Variants in PRKG1 observed in about 807,000 individuals in gnomAD.
The protein encoded by PRKG1 is protein kinase cGMP-dependent 1.
Under a neutral mutation model 88.1 loss-of-function variants are expected in PRKG1, and 35 were observed. The observed-to-expected ratio is 0.40, with a 90% CI of 0.30 to 0.53. PRKG1 has a LOEUF of 0.53. Ranked by LOEUF, PRKG1 falls within the 20% of genes least tolerant of loss-of-function variation. The pLI, the probability that PRKG1 is intolerant of heterozygous loss-of-function variation, is 0.59. For missense variants in PRKG1, 540 were observed against 839.8 expected (o/e 0.64, Z 4.41); for synonymous variants, 303 against 292.5 (o/e 1.04, Z -0.37).
rs3029977 is a variant in PRKG1, at chr10:51,930,495, CTTTT to C, written c.762+22943_762+22946del. Among the ~76,000 whole-genome samples the C allele has an allele frequency of 8.6e-5, 9 of 104,438 alleles. No homozygotes were observed. The East Asian group carries it at 9.4e-4, about 11-fold the overall frequency. 68.5% of individuals were successfully genotyped at this position (104,438 alleles called of 152,430 possible). Reference sequence around the variant, plus strand: ...TTTTAAAAGAACCTTTTTTTTTCCTCTTTTTTTTTTTTTTTTTTTTTGAGACAGA... The same window carrying C: ...TTTTAAAAGAACCTTTTTTTTTCCTCTTTTTTTTTTTTTTTTTGAGACAGA... On this transcript the variant is annotated intron_variant, in intron 5 of 17. Coordinates refer to ENST00000373980, the MANE Select transcript of PRKG1 (RefSeq NM_006258.4).
At chr10:51,407,700 G>C (rs754278199) in intron 2 of PRKG1, among the ~76,000 whole-genome samples, 1 of 152,196 alleles carries the variant, frequency 6.6e-6, no homozygotes, top group African/African-American at 2.4e-5. Context: ...TGAAGGGTCT[G>C]GGTCATTTGC....
intron 2 of PRKG1, among the ~76,000 whole-genome samples, chr10:51,301,465 G>A (rs1485905567): frequency 2.0e-5 from 3 of 152,142 alleles, no homozygotes; most frequent in Non-Finnish European, 4.4e-5. Context: ...AAAACCCTCT[G>A]AGGAATATCA....
At chr10:51,225,683 TTCTC>T (rs1256310067) in intron 2 of PRKG1, among the ~76,000 whole-genome samples, 1 of 152,164 alleles carries the variant, frequency 6.6e-6, no homozygotes, top group African/African-American at 2.4e-5. Context: ...GTGTATGTAT[TTCTC>T]TATAGTGAAG....
At chr10:51,676,829 T>C (rs1228739432) in intron 3 of PRKG1, among the ~76,000 whole-genome samples, 1 of 152,224 alleles carries the variant, frequency 6.6e-6, no homozygotes, top group Admixed American at 6.5e-5. Flanking sequence ...TTTGCTTATC[T>C]CCTGGCATTG....
At chr10:52,186,506 C>T (rs1354581995) in intron 9 of PRKG1, among the ~76,000 whole-genome samples, 1 of 152,110 alleles carries the variant, frequency 6.6e-6, no homozygotes, top group Non-Finnish European at 1.5e-5. Context: ...GACCTCACTA[C>T]CAACGCTGGG....
At chr10:51,000,554 A>G (rs986325948) in intron 1 of PRKG1, among the ~76,000 whole-genome samples, 3 of 152,344 alleles carry the variant, frequency 2.0e-5, no homozygotes, top group South Asian at 2.1e-4. Context: ...TTTCATAACA[A>G]TGGTTCCCAA....
intron 2 of PRKG1, among the ~76,000 whole-genome samples, chr10:51,456,211 C>T (rs545056901): frequency 6.6e-5 from 10 of 152,170 alleles, no homozygotes; most frequent in South Asian, 4.2e-4. Flanking sequence ...TATTCACTAC[C>T]GGGAGAACAG....
chr10:51,332,862 T>C (rs1250479991), intron 2 of PRKG1, among the ~76,000 whole-genome samples: 1 of 152,204 alleles, frequency 6.6e-6, no homozygotes, highest in Non-Finnish European at 1.5e-5. Flanking sequence ...TCTGTTGGTC[T>C]CTCTGATTTC....
intron 2 of PRKG1, among the ~76,000 whole-genome samples, chr10:51,203,972 C>A (rs1266741266): frequency 3.3e-5 from 5 of 152,164 alleles, no homozygotes; most frequent in Non-Finnish European, 7.3e-5. Flanking sequence ...CTGTATACTT[C>A]ATTCTCCTTT....
intron 2 of PRKG1, among the ~76,000 whole-genome samples, chr10:51,400,651 G>A (rs1837712668): frequency 6.6e-6 from 1 of 152,214 alleles, no homozygotes; most frequent in African/African-American, 2.4e-5. Flanking sequence ...AGAGTGCAAC[G>A]TGGAAGTGAG....
chr10:51,409,063 A>T (rs577060506), intron 2 of PRKG1, among the ~76,000 whole-genome samples: 2 of 152,138 alleles, frequency 1.3e-5, no homozygotes, highest in African/African-American at 4.8e-5. Flanking sequence ...ATTTCTCCTT[A>T]TATGCAAAGT....
At chr10:51,534,666 C>CAAAAAA (rs10626534) in intron 3 of PRKG1, among the ~76,000 whole-genome samples, 13 of 120,454 alleles carry the variant, frequency 1.1e-4, no homozygotes, top group Admixed American at 4.5e-4. Context: ...GACTCTGTCT[C>CAAAAAA]AAAAAAAAAA....
At chr10:51,661,184 C>T (rs971935076) in intron 3 of PRKG1, among the ~76,000 whole-genome samples, 1 of 151,998 alleles carries the variant, frequency 6.6e-6, no homozygotes, top group African/African-American at 2.4e-5. Context: ...ATAATTGGCA[C>T]TCAATAAATA....
chr10:51,907,613 C>T, intron 5 of PRKG1, 43 bp downstream of exon 5: 1 of 1,544,194 alleles, frequency 6.5e-7, no homozygotes, highest in Non-Finnish European at 8.9e-7. Context: ...TGGGATCCAG[C>T]CTGCTTGGCT....
intron 9 of PRKG1, among the ~76,000 whole-genome samples, chr10:52,193,548 C>CAAAAAAAAAAAAACCAAAAAAAAAAAAAA: frequency 2.3e-5 from 1 of 42,818 alleles, no homozygotes; most frequent in Non-Finnish European, 4.8e-5. Context: ...GACTCTGTCT[C>CAAAAAAAAAAAAACCAAAAAAAAAAAAAA]AAAAAAAAAA....
chr10:51,231,066 C>T (rs1245104362), intron 2 of PRKG1, among the ~76,000 whole-genome samples: 1 of 152,124 alleles, frequency 6.6e-6, no homozygotes, highest in East Asian at 1.9e-4. Flanking sequence ...GGCTTCAGCC[C>T]TTCTTGCTGG....
At chr10:51,376,744 G>T (rs145767050) in intron 2 of PRKG1, among the ~76,000 whole-genome samples, 1 of 151,966 alleles carries the variant, frequency 6.6e-6, no homozygotes, top group Non-Finnish European at 1.5e-5. Context: ...GTGCGATCTC[G>T]GCTCACTGCA....
chr10:51,541,677 G>T (rs1245950123), intron 3 of PRKG1, among the ~76,000 whole-genome samples: 2 of 151,790 alleles, frequency 1.3e-5, no homozygotes, highest in South Asian at 4.2e-4. Flanking sequence ...ATCACTCATG[G>T]TTTCTATAGT....
chr10:51,476,024 C>A (rs1191072378), intron 3 of PRKG1, among the ~76,000 whole-genome samples: 2 of 151,954 alleles, frequency 1.3e-5, no homozygotes, highest in Non-Finnish European at 1.5e-5. Context: ...TAAGTTCAAC[C>A]TTTTGTACTC....
Sources: allele counts gnomAD v4.1 joint callset (sites outside exome capture counted in the v4.1 genomes callset), GRCh38; gene constraint gnomAD v4.1.1; transcripts MANE v1.5; gene names NCBI Gene and HGNC (gene_info 2026-07-23, HGNC 2026-07-21).